Variants in C2CD2 observed in about 807,000 individuals in gnomAD.
C2CD2 encodes the protein C2 calcium dependent domain containing 2.
In C2CD2, 43 loss-of-function variants were observed where a neutral mutation model predicts 74.3. The ratio of observed to expected loss-of-function variants is 0.58; its 90% CI spans 0.45 to 0.75. The LOEUF (loss-of-function observed/expected upper bound fraction) is 0.75, where lower values mean the gene tolerates loss of function less well. C2CD2 is among the 30% of genes least tolerant of loss of function. The pLI, the probability that C2CD2 is intolerant of heterozygous loss-of-function variation, is 0.00. For missense variants in C2CD2, 801 were observed against 916.3 expected (o/e 0.87, Z 1.63); for synonymous variants, 422 against 390.7 (o/e 1.08, Z -0.94).
Position 41,939,081 on chromosome 21 carries a change from C to T in C2CD2, c.378+3066G>A, listed in dbSNP as rs923836005. 2.6e-5 allele frequency among the ~76,000 whole-genome samples: 4 copies of T among 152,216 alleles called. No individual in the cohort carries two copies. Among genetic ancestry groups the T allele is most frequent in the Admixed American group, 1.3e-4 (2 of 15,280 alleles). On this transcript the variant is annotated intron_variant, in intron 2 of 13. Coordinates refer to ENST00000380486, the MANE Select transcript of C2CD2 (RefSeq NM_015500.2). The surrounding 1 kb of genome is among the most constrained non-coding windows in gnomAD (Gnocchi z 5.5). ...TTTCTATGGCTGAATTCTATTCCAC[C>T]GCGTGGACGAGCCACAGTTTATTGA...
At position 41,932,912 on chromosome 21, in the gene C2CD2, C is replaced by A. The variant is rs538157627; in HGVS notation, c.378+9235G>T. 4.0e-5 allele frequency among the ~76,000 whole-genome samples: 6 copies of A among 150,416 alleles called. No homozygotes were observed. In the South Asian group the frequency reaches 1.3e-3, roughly 32 times the overall value. ...AGAAAAAGGCATCCAGTGGGCACGG[C>A]AGCCAGTTTCATTGGGAGAGGGACC... On this transcript the variant is annotated intron_variant, in intron 2 of 13. Coordinates refer to ENST00000380486, the MANE Select transcript of C2CD2 (RefSeq NM_015500.2).
chr21:41,889,227 C>G lies in C2CD2; in HGVS notation c.1988G>C (p.Arg663Pro). 1 of 1,613,852 alleles carries G rather than the reference C, an allele frequency of 6.2e-7. No homozygotes were observed. Among genetic ancestry groups the G allele is most frequent in the Non-Finnish European group, 8.5e-7 (1 of 1,180,012 alleles). Residue 663 changes from arginine (R) to proline (P), a missense_variant, in exon 14 of 14, where the codon CGG (arginine) becomes CCG (proline). Transcript: ENST00000380486. ...LVFLEQPEGSRRKGITLTRIL... is the reference protein window; with the variant it reads ...LVFLEQPEGSPRKGITLTRIL... ...CCTGGTGAGGGTGATGCCTTTCCTC[C>G]GGGAACCCTCTGGCTGCTCCAGGAA... is the stretch of plus-strand genomic sequence containing the variant.
Position 41,926,344 on chromosome 21 carries a change from T to G in C2CD2, c.379-4259A>C. The G allele has an allele frequency of 1.9e-6, 1 of 530,970 alleles. No individual in the cohort carries two copies. Among genetic ancestry groups the G allele is most frequent in the Non-Finnish European group, 2.4e-6 (1 of 415,140 alleles). The allele number at this position is 530,970 out of a possible 1,614,324, so 32.9% of individuals were successfully genotyped here. A position where few individuals can be genotyped will look rare whatever the true frequency, so the allele number is the denominator to read the frequency against. On this transcript the variant is annotated intron_variant, in intron 2 of 13. Transcript: ENST00000380486. The surrounding 1 kb of genome is among the most constrained non-coding windows in gnomAD (Gnocchi z 8.0). Reference sequence around the variant, plus strand: ...ATAAGTGACAGAGTGTTTTTCGGAGTGGGGGGCTATTCACGGTAAGTCAGG... The same window carrying G: ...ATAAGTGACAGAGTGTTTTTCGGAGGGGGGGGCTATTCACGGTAAGTCAGG...
chr21:41,915,087 G>T (rs1047191480), intron 5 of C2CD2, among the ~76,000 whole-genome samples: 2 of 152,196 alleles, frequency 1.3e-5, no homozygotes, highest in Non-Finnish European at 2.9e-5. Context: ...AAGAGCATGA[G>T]GACCTCTTCC....
Position 41,886,522 on chromosome 21 carries a change from G to C in C2CD2, c.*2602C>G, listed in dbSNP as rs180812675. 162 of 152,246 alleles carry C rather than the reference G, an allele frequency of 1.1e-3. 1 individual carries two copies. Among genetic ancestry groups the C allele is most frequent in the African/African-American group, 3.7e-3 (155 of 41,532 alleles). 9.4% of individuals were successfully genotyped at this position (152,246 alleles called of 1,614,324 possible). ...TGCTTCATAAACTCCCTCCCATGTT[G>C]GTGTTTTCTGTAACTTCAGAAAAGG... On this transcript the variant is annotated 3_prime_UTR_variant, in exon 14 of 14. Coordinates refer to ENST00000380486, the MANE Select transcript of C2CD2 (RefSeq NM_015500.2).
intron 1 of C2CD2, among the ~76,000 whole-genome samples, chr21:41,950,994 C>T (rs997808499): frequency 6.6e-6 from 1 of 151,978 alleles, no homozygotes; most frequent in Non-Finnish European, 1.5e-5. Context: ...GCTGTCCAGG[C>T]GAGAGCGGGC....
At chr21:41,946,942 G>A (rs1409150037) in intron 1 of C2CD2, among the ~76,000 whole-genome samples, 1 of 152,124 alleles carries the variant, frequency 6.6e-6, no homozygotes. Flanking sequence ...CTGACAGACT[G>A]CAGGTGATGA....
chr21:41,921,023 G>A (rs1042975430), intron 3 of C2CD2, among the ~76,000 whole-genome samples: 2 of 152,196 alleles, frequency 1.3e-5, no homozygotes, highest in Admixed American at 1.3e-4. Context: ...TCCCTCAAAG[G>A]GGGTGCTGCT....
chr21:41,918,887 GCCATTTCCGGCAC>G lies in C2CD2; in HGVS notation c.553_565del (p.Val185ProfsTer28). 1.2e-6 allele frequency: 2 copies of G among 1,614,058 alleles called. No individual in the cohort carries two copies. Among genetic ancestry groups the G allele is most frequent in the Non-Finnish European group, 1.7e-6 (2 of 1,179,890 alleles). ...CAGTGCTTTGGGCTGGATATTAACG[GCCATTTCCGGCAC>G]ACTGATGAAAGACCAGCTAATCTGG... On this transcript the variant is annotated frameshift_variant, in exon 4 of 14. Coordinates refer to ENST00000380486, the MANE Select transcript of C2CD2 (RefSeq NM_015500.2). LOFTEE classifies it high-confidence loss of function.
At chr21:41,931,426 CT>C (rs34326295) in intron 2 of C2CD2, among the ~76,000 whole-genome samples, 45 of 135,864 alleles carry the variant, frequency 3.3e-4, no homozygotes, top group East Asian at 4.3e-4. Context: ...AGAAGAGTGT[CT>C]TTTTTTTTTT....
intron 1 of C2CD2, among the ~76,000 whole-genome samples, chr21:41,943,467 A>C (rs2146228822): frequency 6.6e-6 from 1 of 152,334 alleles, no homozygotes; most frequent in South Asian, 2.1e-4. Flanking sequence ...ACACAATCCC[A>C]GATCGAAACT....
At position 41,903,029 on chromosome 21, in the gene C2CD2, C is replaced by T. The variant is rs896110422; in HGVS notation, c.1433-1280G>A. ...AAGGCCAATAAGTGAATCAATCATG[C>T]CTACATACCTACTTATAGAAGCACC... On this transcript the variant is annotated intron_variant, in intron 11 of 13. Coordinates refer to ENST00000380486, the MANE Select transcript of C2CD2 (RefSeq NM_015500.2). This position sits in a 1 kb window ranked among gnomAD's most constrained non-coding sequence, Gnocchi z 4.5. Among the ~76,000 whole-genome samples, 1 of 152,140 alleles carries T rather than the reference C, an allele frequency of 6.6e-6. No individual in the cohort carries two copies. Among genetic ancestry groups the T allele is most frequent in the Non-Finnish European group, 1.5e-5 (1 of 68,022 alleles).
chr21:41,926,321 A>G lies in C2CD2; in HGVS notation c.379-4236T>C, dbSNP rs531454936. ...CAAATAAACAGCTTCCTCTCTGTAT[A>G]AGTGACAGAGTGTTTTTCGGAGTGG... is the stretch of plus-strand genomic sequence containing the variant. On this transcript the variant is annotated intron_variant, in intron 2 of 13. Transcript: ENST00000380486. This position sits in a 1 kb window ranked among gnomAD's most constrained non-coding sequence, Gnocchi z 8.0. 6.9e-4 allele frequency: 191 copies of G among 276,436 alleles called. No individual in the cohort carries two copies. The highest frequency in any genetic ancestry group is 9.2e-4 in the Non-Finnish European group (167 of 181,572). 17.1% of individuals were successfully genotyped at this position (276,436 alleles called of 1,614,324 possible).
chr21:41,898,150 C>T (rs79783160), intron 13 of C2CD2, among the ~76,000 whole-genome samples: 7,156 of 152,328 alleles, frequency 0.047, 241 homozygotes, highest in South Asian at 0.13. Flanking sequence ...CTGAGATTTC[C>T]GCTGAAAGCC....
rs760260238 is a variant in C2CD2 at position 41,889,205 on chromosome 21, G to A, written c.2010C>T (p.Thr670=). Residue 670 remains threonine, a synonymous_variant, in exon 14 of 14, where the codon ACC becomes ACT. Coordinates refer to ENST00000380486, the MANE Select transcript of C2CD2 (RefSeq NM_015500.2). Reference sequence around the variant, plus strand: ...AGAGCAGCTTCTTGTTCAGGATCCTGGTGAGGGTGATGCCTTTCCTCCGGG... The same window carrying A: ...AGAGCAGCTTCTTGTTCAGGATCCTAGTGAGGGTGATGCCTTTCCTCCGGG... The part of the protein sequence containing the change: ...EGSRRKGITL[T]RILNKKLLSR... 1.2e-6 allele frequency: 2 copies of A among 1,613,436 alleles called. No homozygotes were observed. Among genetic ancestry groups the A allele is most frequent in the Middle Eastern group, 1.8e-4 (1 of 5,580 alleles).
Position 41,895,881 on chromosome 21 carries a change from C to A in C2CD2, c.1870+3172G>T, listed in dbSNP as rs528596022. Among the ~76,000 whole-genome samples, 1 of 152,110 alleles carries A rather than the reference C, an allele frequency of 6.6e-6. No homozygotes were observed. Among genetic ancestry groups the A allele is most frequent in the Non-Finnish European group, 1.5e-5 (1 of 68,022 alleles). ...GCTTCCCAAGAACAGCATCGGATTT[C>A]AACTGGAACCACAGATGGTCCGTTG... is the stretch of plus-strand genomic sequence containing the variant. On this transcript the variant is annotated intron_variant, in intron 13 of 13. Transcript: ENST00000380486. This position sits in a 1 kb window ranked among gnomAD's most constrained non-coding sequence, Gnocchi z 5.0.
chr21:41,905,668 G>A (rs2064952181), intron 11 of C2CD2, 56 bp downstream of exon 11: 1 of 895,326 alleles, frequency 1.1e-6, no homozygotes, highest in Non-Finnish European at 1.8e-6. Flanking sequence ...TATCAGAACA[G>A]CCCAAAAGGC....
In C2CD2 at chr21:41,914,665, C is replaced by G. The variant is rs1054271367; in HGVS notation, c.777G>C (p.Arg259Ser). 1 of 1,613,722 alleles carries G rather than the reference C, an allele frequency of 6.2e-7. No homozygotes were observed. The highest frequency in any genetic ancestry group is 8.5e-7 in the Non-Finnish European group (1 of 1,179,684). The change falls in exon 6 of 14, where the codon AGG becomes AGC. Residue 259 changes from arginine to serine, a missense_variant. Coordinates refer to ENST00000380486, the MANE Select transcript of C2CD2 (RefSeq NM_015500.2). ...TCACCAGTAGCTTCAGCTCGTGAGC[C>G]CTTGGAGGTTTAGGAGGACAGGATT... ...AQESCPPKPP[R>S]AHELKLLVRN...
Position 41,915,683 on chromosome 21 carries a change from G to A in C2CD2, c.721-962C>T, listed in dbSNP as rs11910598. Among the ~76,000 whole-genome samples the A allele has an allele frequency of 6.0e-3, 911 of 152,158 alleles. 10 individuals carry two copies. Among genetic ancestry groups the A allele is most frequent in the African/African-American group, 0.021 (864 of 41,508 alleles). ...TCGAAATCTCCACTTCAGGTGATCC[G>A]CACGCCTCAGCCTCCCAAAGTGCTG... On this transcript the variant is annotated intron_variant, in intron 5 of 13. Coordinates refer to ENST00000380486, the MANE Select transcript of C2CD2 (RefSeq NM_015500.2).
Sources: gnomAD v4.1 joint callset for allele counts (sites outside exome capture counted in the v4.1 genomes callset) on GRCh38, gnomAD v4.1.1 for gene constraint, Gnocchi (gnomAD v3.1) non-coding constraint, MANE v1.5 for transcripts, NCBI Gene and HGNC (gene_info 2026-07-23, HGNC 2026-07-21) for gene names.